OPCML: variants seen among roughly 807,000 people sequenced by gnomAD.
OPCML encodes opioid-binding protein/cell adhesion molecule.
A neutral mutation model predicts 37.8 loss-of-function variants in OPCML; 13 were observed. The observed-to-expected ratio is 0.34, with a 90% CI of 0.22 to 0.55. OPCML has a LOEUF of 0.55. Among genes scored for constraint, OPCML ranks in the 20% least tolerant of loss-of-function variants. The probability of loss-of-function intolerance (pLI) is 0.91; values close to 1 mark genes in which losing one functional copy is unlikely to be tolerated. For synonymous variants in OPCML, 176 were observed against 168.8 expected (o/e 1.04, Z -0.33); for missense variants, 341 against 435.6 (o/e 0.78, Z 1.93).
intron 2 of OPCML, among the ~76,000 whole-genome samples, chr11:132,829,833 T>A (rs1435378530): frequency 6.6e-6 from 1 of 152,242 alleles, no homozygotes; most frequent in Non-Finnish European, 1.5e-5. Context: ...CATGTGTTTC[T>A]CATAAATGGT....
intron 3 of OPCML, among the ~76,000 whole-genome samples, chr11:132,552,791 G>T (rs1193809146): frequency 4.0e-5 from 2 of 49,436 alleles, no homozygotes; most frequent in Non-Finnish European, 7.1e-5. Context: ...AGACCGAGTG[G>T]AGTCTCGCTC....
chr11:133,357,826 G>T (rs1280797627), intron 1 of OPCML, among the ~76,000 whole-genome samples: 5 of 151,976 alleles, frequency 3.3e-5, no homozygotes, highest in Non-Finnish European at 7.4e-5. Context: ...CTCCTTTCCT[G>T]CCAGGCTACT....
intron 1 of OPCML, among the ~76,000 whole-genome samples, chr11:133,219,392 T>C (rs1258777366): frequency 6.6e-6 from 1 of 152,252 alleles, no homozygotes; most frequent in Non-Finnish European, 1.5e-5. Flanking sequence ...TAGCTATTGA[T>C]CACTTGGAAT....
At chr11:132,994,795 C>T (rs768528295) in intron 1 of OPCML, among the ~76,000 whole-genome samples, 16 of 152,140 alleles carry the variant, frequency 1.1e-4, no homozygotes, top group African/African-American at 1.4e-4. Context: ...GTGAACAATG[C>T]GGACATATAA....
chr11:132,998,664 C>A (rs1432117316), intron 1 of OPCML, among the ~76,000 whole-genome samples: 1 of 152,112 alleles, frequency 6.6e-6, no homozygotes, highest in Non-Finnish European at 1.5e-5. Flanking sequence ...AAATCTTGAC[C>A]CCCAAGGTGA....
At chr11:132,782,915 G>GTA (rs1331827550) in intron 2 of OPCML, among the ~76,000 whole-genome samples, 9 of 85,728 alleles carry the variant, frequency 1.0e-4, no homozygotes, top group Admixed American at 2.8e-4. Flanking sequence ...TATATAGTGT[G>GTA]TGTATATATA....
intron 2 of OPCML, among the ~76,000 whole-genome samples, chr11:132,841,291 C>T (rs1941275621): frequency 6.6e-6 from 1 of 152,084 alleles, no homozygotes; most frequent in Non-Finnish European, 1.5e-5. Flanking sequence ...CACTTACTGA[C>T]CCCCCGGCCC....
intron 1 of OPCML, among the ~76,000 whole-genome samples, chr11:133,221,929 G>T (rs1939849186): frequency 6.6e-6 from 1 of 152,196 alleles, no homozygotes; most frequent in Admixed American, 6.5e-5. Flanking sequence ...TTCTTCTGAA[G>T]ATGTCTTATG....
At position 132,592,274 on chromosome 11, in the gene OPCML, T is replaced by C. The variant is rs560756592; in HGVS notation, c.380-63088A>G. Among the ~76,000 whole-genome samples the C allele has an allele frequency of 4.6e-5, 7 of 152,252 alleles. No homozygotes were observed. The South Asian group carries it at 1.5e-3, about 32-fold the overall frequency. On this transcript the variant is annotated intron_variant, in intron 3 of 7. Coordinates refer to ENST00000524381, the MANE Select transcript of OPCML (RefSeq NM_001012393.5). Reference sequence around the variant, plus strand: ...CACAGGCCTGTGCACGTGGAGGCATTGTGAGAGATGGACCAGTTCATTGCT... The same window carrying C: ...CACAGGCCTGTGCACGTGGAGGCATCGTGAGAGATGGACCAGTTCATTGCT...
At chr11:133,335,657 C>A (rs1232534886) in intron 1 of OPCML, among the ~76,000 whole-genome samples, 3 of 152,162 alleles carry the variant, frequency 2.0e-5, no homozygotes, top group Non-Finnish European at 4.4e-5. Flanking sequence ...GAATCGCCTC[C>A]TCCAAGTCTT....
intron 2 of OPCML, among the ~76,000 whole-genome samples, chr11:132,831,973 T>A (rs1349028834): frequency 6.6e-6 from 1 of 151,792 alleles, no homozygotes; most frequent in Non-Finnish European, 1.5e-5. Context: ...CCTCTTACCC[T>A]CCCTTCAAGG....
intron 1 of OPCML, among the ~76,000 whole-genome samples, chr11:133,348,334 T>G (rs1944047627): frequency 6.6e-6 from 1 of 152,208 alleles, no homozygotes; most frequent in Non-Finnish European, 1.5e-5. Context: ...TAATTCATCT[T>G]TGAATCCCCC....
At chr11:133,159,828 G>T (rs938441175) in intron 1 of OPCML, among the ~76,000 whole-genome samples, 1 of 152,144 alleles carries the variant, frequency 6.6e-6, no homozygotes, top group Non-Finnish European at 1.5e-5. Context: ...AGCCCACAGA[G>T]CCCCAGGGCA....
At chr11:132,480,537 T>C (rs1460187071) in intron 4 of OPCML, among the ~76,000 whole-genome samples, 10 of 152,072 alleles carry the variant, frequency 6.6e-5, no homozygotes, top group Non-Finnish European at 1.2e-4. Flanking sequence ...AGATACTCCT[T>C]GAGAAGAGCA....
Position 133,398,593 on chromosome 11 carries a change from C to A in OPCML, c.61+133671G>T, listed in dbSNP as rs1236475113. Among the ~76,000 whole-genome samples the A allele has an allele frequency of 4.1e-5, 6 of 147,336 alleles. No homozygotes were observed. The East Asian group carries it at 1.2e-3, about 29-fold the overall frequency. ...TCTCTATTCAAGGCGAAGGATAAGA[C>A]TACAAATATCTTTTTTTAAAAAAAA... On this transcript the variant is annotated intron_variant, in intron 1 of 7. Coordinates refer to ENST00000524381, the MANE Select transcript of OPCML (RefSeq NM_001012393.5).
intron 1 of OPCML, among the ~76,000 whole-genome samples, chr11:133,245,446 G>A (rs1940886484): frequency 1.3e-5 from 2 of 152,170 alleles, no homozygotes; most frequent in South Asian, 2.1e-4. Flanking sequence ...TCTGAATGGT[G>A]AGAGAAGCCA....
chr11:132,992,360 G>A (rs959299500), intron 1 of OPCML, among the ~76,000 whole-genome samples: 5 of 151,886 alleles, frequency 3.3e-5, no homozygotes, highest in African/African-American at 4.8e-5. Context: ...TATACTTATT[G>A]CAGAGAAGAA....
intron 1 of OPCML, among the ~76,000 whole-genome samples, chr11:133,100,423 C>T (rs975944640): frequency 1.3e-5 from 2 of 152,136 alleles, no homozygotes; most frequent in Admixed American, 6.5e-5. Flanking sequence ...AAAATACCAG[C>T]AAGTTATTTT....
At chr11:132,987,420 T>C (rs1383857785) in intron 1 of OPCML, among the ~76,000 whole-genome samples, 1 of 152,006 alleles carries the variant, frequency 6.6e-6, no homozygotes, top group Non-Finnish European at 1.5e-5. Flanking sequence ...GTGGCTGCAA[T>C]ATGAAAGAAG....
Sources: allele counts gnomAD v4.1 joint callset (sites outside exome capture counted in the v4.1 genomes callset), GRCh38; gene constraint gnomAD v4.1.1; transcripts MANE v1.5; gene names NCBI Gene and HGNC (gene_info 2026-07-23, HGNC 2026-07-21).